Variants in CHODL observed in about 807,000 individuals in gnomAD.
CHODL encodes chondrolectin.
Under a neutral mutation model 34.5 loss-of-function variants are expected in CHODL, and 29 were observed. The observed-to-expected ratio is 0.84, with a 90% CI of 0.63 to 1.15. The LOEUF (loss-of-function observed/expected upper bound fraction) is 1.15. Ranked by LOEUF, CHODL falls within the 50% of genes most tolerant of loss-of-function variation. The probability of loss-of-function intolerance (pLI) is 0.00; values close to 1 mark genes in which losing one functional copy is unlikely to be tolerated. For synonymous variants in CHODL, 125 were observed against 116.1 expected (o/e 1.08, Z -0.49); for missense variants, 332 against 332.5 (o/e 1.00, Z 0.01).
chr21:17,947,308 C>G (rs1469040336), intron 1 of CHODL, among the ~76,000 whole-genome samples: 2 of 151,852 alleles, frequency 1.3e-5, no homozygotes, highest in Non-Finnish European at 2.9e-5. Context: ...ATTCCTGAGA[C>G]AAATGAAATG....
chr21:18,031,428 G>A (rs1038135821), intron 2 of CHODL, among the ~76,000 whole-genome samples: 5 of 152,044 alleles, frequency 3.3e-5, no homozygotes, highest in Non-Finnish European at 7.4e-5. Context: ...TAATAGAGAA[G>A]AAGAAGCTAA....
intron 2 of CHODL, among the ~76,000 whole-genome samples, chr21:18,198,648 G>T (rs1453048211): frequency 6.6e-6 from 1 of 152,088 alleles, no homozygotes; most frequent in Non-Finnish European, 1.5e-5. Context: ...TAGAATAGTA[G>T]AAGGGTAAAA....
chr21:17,994,896 C>T (rs1312532472), intron 1 of CHODL, among the ~76,000 whole-genome samples: 1 of 152,140 alleles, frequency 6.6e-6, no homozygotes, highest in Non-Finnish European at 1.5e-5. Context: ...GATGGGGTTA[C>T]TGGAGTAGGT....
chr21:18,127,240 ACT>A (rs2065557718), intron 2 of CHODL, among the ~76,000 whole-genome samples: 1 of 152,134 alleles, frequency 6.6e-6, no homozygotes, highest in Non-Finnish European at 1.5e-5. Flanking sequence ...TGATTGAACA[ACT>A]CTGGATATAC....
At chr21:18,126,759 A>T (rs1412481020) in intron 2 of CHODL, among the ~76,000 whole-genome samples, 1 of 152,234 alleles carries the variant, frequency 6.6e-6, no homozygotes. Flanking sequence ...TAAGAGGATT[A>T]TTAAATTTAC....
At chr21:18,034,314 A>G (rs2146444098) in intron 2 of CHODL, among the ~76,000 whole-genome samples, 1 of 152,152 alleles carries the variant, frequency 6.6e-6, no homozygotes, top group Non-Finnish European at 1.5e-5. Context: ...GACCTGAAAT[A>G]CATAGTAATT....
At chr21:18,107,131 G>T (rs1381181250) in intron 2 of CHODL, among the ~76,000 whole-genome samples, 1 of 152,218 alleles carries the variant, frequency 6.6e-6, no homozygotes, top group Admixed American at 6.5e-5. Flanking sequence ...GGGGTAATGA[G>T]TTCTTTATAT....
At chr21:18,208,841 C>T (rs1422863323) in intron 2 of CHODL, among the ~76,000 whole-genome samples, 2 of 151,828 alleles carry the variant, frequency 1.3e-5, no homozygotes, top group East Asian at 3.9e-4. Flanking sequence ...CAAACAGAGT[C>T]ATTCTCTCTC....
At chr21:18,145,201 C>T (rs1045706301) in intron 2 of CHODL, among the ~76,000 whole-genome samples, 2 of 150,838 alleles carry the variant, frequency 1.3e-5, no homozygotes, top group Non-Finnish European at 3.0e-5. Flanking sequence ...CTTTGGGAGG[C>T]CGAGACTGGC....
intron 1 of CHODL, among the ~76,000 whole-genome samples, chr21:17,945,495 T>G (rs1360753312): frequency 3.9e-5 from 6 of 152,018 alleles, no homozygotes; most frequent in Admixed American, 2.6e-4. Flanking sequence ...AACAGCAGAA[T>G]TAATCAGGTG....
At chr21:18,056,536 G>A (rs182059706) in intron 2 of CHODL, among the ~76,000 whole-genome samples, 2 of 148,390 alleles carry the variant, frequency 1.3e-5, no homozygotes, top group Admixed American at 6.7e-5. Context: ...AAAAACTTCT[G>A]TTCTTCAATT....
intron 2 of CHODL, among the ~76,000 whole-genome samples, chr21:18,231,275 TC>T (rs770754344): frequency 1.2e-4 from 19 of 152,164 alleles, no homozygotes; most frequent in Non-Finnish European, 2.5e-4. Context: ...GGGTTTTGGA[TC>T]CGACGTCATG....
At chr21:18,251,516 A>ATAAT (rs2074243589) in intron 1 of CHODL, among the ~76,000 whole-genome samples, 3 of 37,914 alleles carry the variant, frequency 7.9e-5, no homozygotes, top group Admixed American at 3.0e-4. Flanking sequence ...TTTAATATAT[A>ATAAT]AAATATTTAT....
At chr21:18,232,837 T>G (rs984923164) in intron 2 of CHODL, among the ~76,000 whole-genome samples, 1 of 150,970 alleles carries the variant, frequency 6.6e-6, no homozygotes, top group Non-Finnish European at 1.5e-5. Context: ...TTTTTATGCT[T>G]TACATTGTTT....
At chr21:17,956,737 C>A (rs1268368032) in intron 1 of CHODL, among the ~76,000 whole-genome samples, 1 of 136,086 alleles carries the variant, frequency 7.3e-6, no homozygotes, top group African/African-American at 2.5e-5. Context: ...GGAGTTTTTT[C>A]TATGAGTGCA....
At position 18,055,295 on chromosome 21, in the gene CHODL, G is replaced by T. The variant is rs1050030348; in HGVS notation, c.-45+27324G>T. 1.1e-4 allele frequency among the ~76,000 whole-genome samples: 17 copies of T among 151,936 alleles called. 1 individual carries two copies. The highest frequency in any genetic ancestry group is 4.1e-4 in the African/African-American group (17 of 41,410). ...CCCACCCTTATGTCCCCCTACTGAG[G>T]TTAAGAAACACCAGTTCTCTTCCTC... On this transcript the variant is annotated intron_variant, in intron 2 of 6. Coordinates refer to the CHODL transcript ENST00000400127.
intron 1 of CHODL, among the ~76,000 whole-genome samples, chr21:17,925,101 A>G (rs1484218088): frequency 2.0e-5 from 3 of 152,216 alleles, no homozygotes; most frequent in Non-Finnish European, 2.9e-5. Flanking sequence ...GGGAGGGGGC[A>G]CTAGTGGCCG....
chr21:18,123,389 T>C (rs1325521349), intron 2 of CHODL, among the ~76,000 whole-genome samples: 1 of 152,244 alleles, frequency 6.6e-6, no homozygotes, highest in African/African-American at 2.4e-5. Flanking sequence ...TGCTTATTCC[T>C]AAGTAGTAGG....
rs1601159865 is a variant in CHODL, at chr21:18,216,773, G to A, written c.-44-39736G>A. 2.0e-5 allele frequency among the ~76,000 whole-genome samples: 3 copies of A among 152,240 alleles called. 1 individual carries two copies. Among genetic ancestry groups the A allele is most frequent in the African/African-American group, 2.4e-5 (1 of 41,552 alleles). On this transcript the variant is annotated intron_variant, in intron 2 of 6. Coordinates refer to the CHODL transcript ENST00000400127. ...GAAGCAAGCACCTTCTTCATGAGGTGGCAGGTGAGAGAAAAAGAGAAGCGG... is the reference window on the plus strand; with the variant it reads ...GAAGCAAGCACCTTCTTCATGAGGTAGCAGGTGAGAGAAAAAGAGAAGCGG...
Sources: gnomAD v4.1 joint callset for allele counts (sites outside exome capture counted in the v4.1 genomes callset) on GRCh38, gnomAD v4.1.1 for gene constraint, MANE v1.5 for transcripts, NCBI Gene and HGNC (gene_info 2026-07-23, HGNC 2026-07-21) for gene names.